Variants in SERPINA6 observed in about 807,000 individuals in gnomAD.
SERPINA6 encodes serpin family A member 6.
SERPINA6 carries 19 observed loss-of-function variants against 26.4 expected under a neutral mutation model. The ratio of observed to expected loss-of-function variants is 0.72; its 90% CI spans 0.50 to 1.06. The LOEUF (loss-of-function observed/expected upper bound fraction) is 1.06, where lower values mean the gene tolerates loss of function less well. SERPINA6 is among the 50% of genes least tolerant of loss of function. The probability of loss-of-function intolerance (pLI) is 0.00; values close to 1 mark genes in which losing one functional copy is unlikely to be tolerated. For synonymous variants in SERPINA6, 196 were observed against 199.4 expected (o/e 0.98, Z 0.14); for missense variants, 473 against 504.0 (o/e 0.94, Z 0.59).
Position 94,306,235 on chromosome 14 carries a change from G to C in SERPINA6, c.885-17C>G, listed in dbSNP as rs1350133541. On this transcript the variant is annotated splice_polypyrimidine_tract_variant and intron_variant, in intron 3 of 4. Coordinates refer to ENST00000341584, the MANE Select transcript of SERPINA6 (RefSeq NM_001756.4). The stretch of plus-strand genomic sequence containing the variant: ...TCCACCTGGCTGCTCGGGGTAAGCA[G>C]ACAGAGTTAGACATTCCAGGGCTGG... The C allele has an allele frequency of 6.2e-7, 1 of 1,614,044 alleles. No individual in the cohort carries two copies. Among genetic ancestry groups the C allele is most frequent in the Non-Finnish European group, 8.5e-7 (1 of 1,179,978 alleles).
chr14:94,318,150 A>G (rs1056646263), intron 1 of SERPINA6, among the ~76,000 whole-genome samples: 1 of 152,236 alleles, frequency 6.6e-6, no homozygotes, highest in African/African-American at 2.4e-5. Flanking sequence ...ACTGAAAAGT[A>G]CAAAACAGTG....
intron 1 of SERPINA6, among the ~76,000 whole-genome samples, chr14:94,318,463 A>C (rs1442569834): frequency 6.6e-6 from 1 of 152,228 alleles, no homozygotes; most frequent in East Asian, 1.9e-4. Flanking sequence ...TACTGGCATA[A>C]AGACATACAT....
chr14:94,315,319 T>G (rs2139724228), intron 1 of SERPINA6, among the ~76,000 whole-genome samples: 1 of 152,350 alleles, frequency 6.6e-6, no homozygotes. Context: ...AGCAGAGCTT[T>G]TGTATGCTAT....
intron 2 of SERPINA6, among the ~76,000 whole-genome samples, chr14:94,311,805 G>A (rs912387363): frequency 6.6e-6 from 1 of 152,020 alleles, no homozygotes; most frequent in Non-Finnish European, 1.5e-5. Context: ...AAAATTAGCC[G>A]GGTGTCATGG....
chr14:94,308,247 CTCTG>C (rs1249350026), intron 3 of SERPINA6, among the ~76,000 whole-genome samples: 29 of 152,232 alleles, frequency 1.9e-4, no homozygotes, highest in African/African-American at 6.0e-4. Context: ...TGTTACATAT[CTCTG>C]TCTGTCTCTC....
chr14:94,318,882 A>G (rs1347405466), intron 1 of SERPINA6, among the ~76,000 whole-genome samples: 1 of 152,236 alleles, frequency 6.6e-6, no homozygotes. Flanking sequence ...AACTCACAGA[A>G]TGGGAAAACA....
At chr14:94,312,840 G>A (rs1024771989) in intron 2 of SERPINA6, among the ~76,000 whole-genome samples, 1 of 152,112 alleles carries the variant, frequency 6.6e-6, no homozygotes, top group South Asian at 2.1e-4. Flanking sequence ...GAGAGCTGGG[G>A]AGGAGGGGAA....
intron 2 of SERPINA6, among the ~76,000 whole-genome samples, chr14:94,312,924 G>T (rs1469439290): frequency 2.0e-5 from 3 of 152,214 alleles, no homozygotes; most frequent in Non-Finnish European, 4.4e-5. Context: ...CACATGTTCA[G>T]TAGAGATACT....
intron 3 of SERPINA6, among the ~76,000 whole-genome samples, chr14:94,306,434 C>T (rs1417602130): frequency 1.3e-5 from 2 of 151,780 alleles, no homozygotes; most frequent in Non-Finnish European, 1.5e-5. Context: ...TCCCACGGGG[C>T]CTCTGAATTG....
intron 1 of SERPINA6, among the ~76,000 whole-genome samples, chr14:94,321,809 T>C (rs996170519): frequency 6.6e-6 from 1 of 152,240 alleles, no homozygotes; most frequent in Non-Finnish European, 1.5e-5. Flanking sequence ...GTGAAATCTT[T>C]GCTTAGCTTT....
chr14:94,314,826 GTTT>G (rs1895590604), intron 1 of SERPINA6, 159 bp from the exon 2 acceptor site: 2 of 678,610 alleles, frequency 2.9e-6, no homozygotes, highest in Non-Finnish European at 5.2e-6. Flanking sequence ...CTGGACTTCA[GTTT>G]CCTCATCTGG....
At chr14:94,319,237 G>C (rs1463486427) in intron 1 of SERPINA6, among the ~76,000 whole-genome samples, 1 of 152,204 alleles carries the variant, frequency 6.6e-6, no homozygotes, top group Non-Finnish European at 1.5e-5. Context: ...AGGAATGCTT[G>C]AGGCCAGGAG....
intron 3 of SERPINA6, among the ~76,000 whole-genome samples, chr14:94,307,775 G>A (rs2139716156): frequency 6.6e-6 from 1 of 152,262 alleles, no homozygotes; most frequent in Middle Eastern, 3.4e-3. Flanking sequence ...ATAGCTATAG[G>A]GGATTGCTCA....
chr14:94,314,691 A>T (rs1160340691), intron 1 of SERPINA6, 24 bp from the exon 2 acceptor site: 2 of 1,604,312 alleles, frequency 1.2e-6, no homozygotes, highest in Non-Finnish European at 1.7e-6. Context: ...AAAGCTTGTT[A>T]GATGCTGTGG....
rs374191911 is a variant in SERPINA6, at chr14:94,306,202, T to C, written c.901A>G (p.Ile301Val). 3.0e-5 allele frequency: 49 copies of C among 1,614,078 alleles called. No homozygotes were observed. Among genetic ancestry groups the C allele is most frequent in the Non-Finnish European group, 3.8e-5 (45 of 1,180,046 alleles). Reference sequence around the variant, plus strand: ...ACTCCAGAGATGGTGACCTTTGGAATGTACAGGTCCACCTGGCTGCTCGGG... The same window carrying C: ...ACTCCAGAGATGGTGACCTTTGGAACGTACAGGTCCACCTGGCTGCTCGGG... ...GLTSSQVDLY[I>V]PKVTISGVYD... The change falls in exon 4 of 5, where the codon ATT becomes GTT. Residue 301 changes from isoleucine to valine, a missense_variant. Physicochemically the swap from Ile to Val is conservative, Grantham distance 29. Coordinates refer to ENST00000341584, the MANE Select transcript of SERPINA6 (RefSeq NM_001756.4).
chr14:94,317,464 G>A (rs1895628214), intron 1 of SERPINA6, among the ~76,000 whole-genome samples: 1 of 152,192 alleles, frequency 6.6e-6, no homozygotes, highest in Admixed American at 6.5e-5. Context: ...GCGGGGAGGA[G>A]CTTGGCCTCT....
Position 94,314,662 on chromosome 14 carries a change from C to A in SERPINA6, c.-14G>T. 1 of 1,611,024 alleles carries A rather than the reference C, an allele frequency of 6.2e-7. No homozygotes were observed. Among genetic ancestry groups the A allele is most frequent in the Non-Finnish European group, 8.5e-7 (1 of 1,179,986 alleles). On this transcript the variant is annotated 5_prime_UTR_variant, in exon 2 of 5. Transcript: ENST00000341584. ...GAGGAGTGGCATTGTCCAGTATAGC[C>A]AGGCCCTGCCAAATCAGAAAAGCTT...
chr14:94,320,185 T>A (rs1177890348), intron 1 of SERPINA6, among the ~76,000 whole-genome samples: 1 of 152,116 alleles, frequency 6.6e-6, no homozygotes, highest in East Asian at 1.9e-4. Flanking sequence ...AACCAGCCAT[T>A]CTGGGTGAGG....
In SERPINA6 at chr14:94,314,974, A is replaced by G. The variant is rs2139723882; in HGVS notation, c.-19-307T>C. 7 of 428,004 alleles carry G rather than the reference A, an allele frequency of 1.6e-5. No individual in the cohort carries two copies. In the South Asian group the frequency reaches 2.0e-4, roughly 12 times the overall value. 26.5% of individuals were successfully genotyped at this position (428,004 alleles called of 1,614,324 possible). A position where few individuals can be genotyped will look rare whatever the true frequency, so the allele number is the denominator to read the frequency against. On this transcript the variant is annotated intron_variant, in intron 1 of 4. Transcript: ENST00000341584. ...AAGCAAGTATTATTAACATGATTTT[A>G]GGCAGGCAGAAATAGGTGCTCAGAA... is the stretch of plus-strand genomic sequence containing the variant.
Sources: allele counts gnomAD v4.1 joint callset (sites outside exome capture counted in the v4.1 genomes callset), GRCh38; gene constraint gnomAD v4.1.1; transcripts MANE v1.5; gene names NCBI Gene and HGNC (gene_info 2026-07-23, HGNC 2026-07-21).